Variants in AHCTF1 observed in about 807,000 individuals in gnomAD.
AHCTF1 encodes the protein protein ELYS.
AHCTF1 carries 24 observed loss-of-function variants against 248.4 expected under a neutral mutation model. The observed-to-expected ratio is 0.10, with a 90% CI of 0.07 to 0.14. AHCTF1 has a LOEUF of 0.14. Ranked by LOEUF, AHCTF1 falls within the 10% of genes least tolerant of loss-of-function variation. The pLI, the probability that AHCTF1 is intolerant of heterozygous loss-of-function variation, is 1.00. For synonymous variants in AHCTF1, 786 were observed against 929.8 expected (o/e 0.85, Z 2.81); for missense variants, 2,206 against 2,636.2 (o/e 0.84, Z 3.57).
chr1:246,895,962 G>A (rs762647514), intron 12 of AHCTF1, 37 bp from the exon 13 acceptor site: 2 of 1,557,020 alleles, frequency 1.3e-6, no homozygotes, highest in South Asian at 2.3e-5. Flanking sequence ...GAAATGGAAA[G>A]AAAGAGGGTG....
chr1:246,867,877 G>T lies in AHCTF1; in HGVS notation c.3089-66C>A, dbSNP rs975658267. On this transcript the variant is annotated intron_variant, in intron 24 of 35. Transcript: ENST00000648844. Reference sequence around the variant, plus strand: ...AAACGGGAATTTAATAAAAGCATATGAAAGAATGATTACACCCCCCCCCCC... The same window carrying T: ...AAACGGGAATTTAATAAAAGCATATTAAAGAATGATTACACCCCCCCCCCC... 17 of 941,136 alleles carry T rather than the reference G, an allele frequency of 1.8e-5. 1 individual carries two copies. Among genetic ancestry groups the T allele is most frequent in the African/African-American group, 1.6e-4 (7 of 42,694 alleles). 58.3% of individuals were successfully genotyped at this position (941,136 alleles called of 1,614,324 possible). A position where few individuals can be genotyped will look rare whatever the true frequency, so the allele number is the denominator to read the frequency against.
intron 16 of AHCTF1, 125 bp from the exon 17 acceptor site, chr1:246,890,184 T>C: frequency 1.7e-6 from 1 of 587,538 alleles, no homozygotes; most frequent in South Asian, 2.5e-5. Flanking sequence ...GGTGGGTATA[T>C]TTAGGTAATA....
chr1:246,840,970 G>A lies in AHCTF1; in HGVS notation c.6637C>T (p.Pro2213Ser). ...KNTEKESAWS[P>S]PPIEIRLISP... The stretch of plus-strand genomic sequence containing the variant: ...ATCAGCCGAATTTCTATGGGAGGAG[G>A]TGACCAAGCACTTTCTTTTTCTGTG... Residue 2213 changes from proline (P) to serine (S), a missense_variant, in exon 36 of 36, where the codon CCT (proline) becomes TCT (serine). By Grantham distance (74) the Pro-to-Ser change is moderately conservative (BLOSUM62 -1). Transcript: ENST00000648844. The A allele has an allele frequency of 6.2e-7, 1 of 1,610,298 alleles. No individual in the cohort carries two copies. The highest frequency in any genetic ancestry group is 8.5e-7 in the Non-Finnish European group (1 of 1,178,914).
chr1:246,907,756 G>T lies in AHCTF1; in HGVS notation c.559C>A (p.Leu187Ile). 1 of 1,608,380 alleles carries T rather than the reference G, an allele frequency of 6.2e-7. No individual in the cohort carries two copies. The highest frequency in any genetic ancestry group is 8.5e-7 in the Non-Finnish European group (1 of 1,178,170). The change falls in exon 5 of 36, where the codon CTT becomes ATT. Residue 187 changes from leucine to isoleucine, a missense_variant and splice_region_variant. Leu to Ile is a conservative substitution (Grantham distance 5, BLOSUM62 2). Transcript: ENST00000648844. ...GCTGGGATACCAGTTAGAACTTCAA[G>T]ATCTAAAACCACAAATTAGACAAAT... is the stretch of plus-strand genomic sequence containing the variant. ...CNQNEVEASDLEVLTGIPAEV... is the reference protein window; with the variant it reads ...CNQNEVEASDIEVLTGIPAEV...
chr1:246,908,448 G>GA (rs1237647338), intron 4 of AHCTF1, among the ~76,000 whole-genome samples: 1 of 151,904 alleles, frequency 6.6e-6, no homozygotes, highest in African/African-American at 2.4e-5. Context: ...TAGTACTTAA[G>GA]AAACACTAAA....
chr1:246,929,266 G>A (rs972387076), intron 1 of AHCTF1, among the ~76,000 whole-genome samples: 5 of 152,096 alleles, frequency 3.3e-5, no homozygotes, highest in Admixed American at 6.6e-5. Context: ...AAAATTAGCC[G>A]AGTGTGGCGG....
intron 23 of AHCTF1, 35 bp downstream of exon 23, chr1:246,876,915 T>C (rs756587618): frequency 6.2e-7 from 1 of 1,606,376 alleles, no homozygotes; most frequent in Non-Finnish European, 8.5e-7. Context: ...TTCCTTATTC[T>C]CTTATCCCCC....
intron 31 of AHCTF1, among the ~76,000 whole-genome samples, chr1:246,855,003 ATGTAT>A (rs2103052499): frequency 6.6e-6 from 1 of 152,350 alleles, no homozygotes; most frequent in South Asian, 2.1e-4. Context: ...CTCCATAATC[ATGTAT>A]TACCTTAATC....
chr1:246,880,404 A>G (rs955678440), intron 21 of AHCTF1, among the ~76,000 whole-genome samples: 2 of 151,844 alleles, frequency 1.3e-5, no homozygotes, highest in African/African-American at 4.8e-5. Flanking sequence ...TCTCTACTAA[A>G]ATTACAAAAA....
At position 246,877,005 on chromosome 1, in the gene AHCTF1, C is replaced by A. The variant is rs543659382; in HGVS notation, c.2882G>T (p.Arg961Leu). The stretch of plus-strand genomic sequence containing the variant: ...CTTCAAGGCAGGCACATAATTGGCA[C>A]GCTGCAAATGGTGCACTAAAAGGAA... ...HEFLLVHHLQ[R>L]ANYVPALKLN... Residue 961 changes from arginine to leucine, a missense_variant, in exon 23 of 36, where the codon CGT becomes CTT. This residue lies in a region of AHCTF1 where 955 missense variants were observed against 1,055.6 expected (regional missense o/e 0.90). Transcript: ENST00000648844. 1 of 1,612,060 alleles carries A rather than the reference C, an allele frequency of 6.2e-7. No homozygotes were observed. The highest frequency in any genetic ancestry group is 8.5e-7 in the Non-Finnish European group (1 of 1,179,922).
rs1314929615 is a variant in AHCTF1 at position 246,888,247 on chromosome 1, G to A, written c.2269-14C>T. ...ATCAAGTACTGCCTATAAAACAAAGGGATAAAACCTTCAGTGGATCTTATA... is the reference window on the plus strand; with the variant it reads ...ATCAAGTACTGCCTATAAAACAAAGAGATAAAACCTTCAGTGGATCTTATA... On this transcript the variant is annotated splice_polypyrimidine_tract_variant and intron_variant, in intron 18 of 35. Coordinates refer to ENST00000648844, the MANE Select transcript of AHCTF1 (RefSeq NM_001323342.2). 1 of 1,613,806 alleles carries A rather than the reference G, an allele frequency of 6.2e-7. No individual in the cohort carries two copies. The highest frequency in any genetic ancestry group is 1.7e-5 in the Admixed American group (1 of 59,960).
At chr1:246,921,602 A>G (rs1054500545) in intron 1 of AHCTF1, among the ~76,000 whole-genome samples, 3 of 152,194 alleles carry the variant, frequency 2.0e-5, no homozygotes, top group Admixed American at 6.5e-5. Context: ...AAGAAGCAAT[A>G]TATTTCCCAG....
At chr1:246,867,207 A>C in intron 26 of AHCTF1, 37 bp downstream of exon 26, 1 of 1,144,254 alleles carries the variant, frequency 8.7e-7, no homozygotes, top group Admixed American at 2.2e-5. Flanking sequence ...CTATCATCTA[A>C]CATTGTGTCT....
intron 16 of AHCTF1, 123 bp from the exon 17 acceptor site, chr1:246,890,182 T>A: frequency 1.0e-5 from 6 of 595,590 alleles, no homozygotes; most frequent in African/African-American, 1.9e-5. Flanking sequence ...AGGGTGGGTA[T>A]ATTTAGGTAA....
chr1:246,870,315 C>T lies in AHCTF1; in HGVS notation c.3089-2504G>A, dbSNP rs563055863. Reference sequence around the variant, plus strand: ...AGGCACGGTTGCAGTCTCAGCCACTCGGAAAGCTGAGGCAGGAGGATCACT... The same window carrying T: ...AGGCACGGTTGCAGTCTCAGCCACTTGGAAAGCTGAGGCAGGAGGATCACT... On this transcript the variant is annotated intron_variant, in intron 24 of 35. Transcript: ENST00000648844. Among the ~76,000 whole-genome samples, 210 of 152,134 alleles carry T rather than the reference C, an allele frequency of 1.4e-3. 1 individual carries two copies. Among genetic ancestry groups the T allele is most frequent in the Non-Finnish European group, 2.4e-3 (164 of 67,990 alleles).
chr1:246,884,166 AG>A (rs1663650387), intron 21 of AHCTF1, among the ~76,000 whole-genome samples: 1 of 152,214 alleles, frequency 6.6e-6, no homozygotes, highest in Admixed American at 6.5e-5. Context: ...TTGTTCTTAC[AG>A]TAAATCTTAT....
rs1326312524 is a variant in AHCTF1, at chr1:246,907,625, G to A, written c.690C>T (p.Ser230=). ...AACCTACAGCAAGCTGATTTGTCCT[G>A]CTTATGTAACTAAGAGTTGAAACAG... is the stretch of plus-strand genomic sequence containing the variant. The part of the protein sequence containing the change: ...GTAVSTLSYI[S]RTNQLAVGFS... The change falls in exon 5 of 36, where the codon AGC becomes AGT. Residue 230 remains serine, a synonymous_variant. Transcript: ENST00000648844. 1 of 1,613,810 alleles carries A rather than the reference G, an allele frequency of 6.2e-7. No homozygotes were observed. The highest frequency in any genetic ancestry group is 1.1e-5 in the South Asian group (1 of 91,072).
intron 24 of AHCTF1, among the ~76,000 whole-genome samples, chr1:246,868,915 G>T (rs374319977): frequency 6.7e-6 from 1 of 149,024 alleles, no homozygotes; most frequent in Admixed American, 6.7e-5. Context: ...TGTGATCTCG[G>T]CTCACTGCAA....
At chr1:246,919,871 G>A (rs114060363) in intron 1 of AHCTF1, among the ~76,000 whole-genome samples, 2,575 of 151,762 alleles carry the variant, frequency 0.017, 75 homozygotes, top group African/African-American at 0.059. Context: ...GAGCCAGGCA[G>A]GGTGGCTCAT....
Sources: gnomAD v4.1 joint callset for allele counts (sites outside exome capture counted in the v4.1 genomes callset) on GRCh38, gnomAD v4.1.1 for gene constraint, gnomAD v4.1.1 regional missense constraint, MANE v1.5 for transcripts, NCBI Gene and HGNC (gene_info 2026-07-23, HGNC 2026-07-21) for gene names.